Variants in B3GALT4 observed in about 807,000 individuals in gnomAD.
B3GALT4 encodes the protein beta-1,3-galactosyltransferase 4.
A neutral mutation model predicts 1.6 loss-of-function variants in B3GALT4; 1 was observed. That is an observed-to-expected ratio of 0.64 (90% CI 0.23 to 3.05). B3GALT4 has a LOEUF of 3.05. Among genes scored for constraint, B3GALT4 ranks in the 30% most tolerant of loss-of-function variants. B3GALT4 has a pLI of 0.21. For synonymous variants in B3GALT4, 259 were observed against 222.6 expected (o/e 1.16, Z -1.46); for missense variants, 441 against 486.9 (o/e 0.91, Z 0.89).
At position 33,277,137 on chromosome 6, in the gene B3GALT4, G is replaced by T; in HGVS notation, c.-283G>T. On this transcript the variant is annotated 5_prime_UTR_variant, in exon 1 of 1. Coordinates refer to ENST00000451237, the MANE Select transcript of B3GALT4 (RefSeq NM_003782.4). The surrounding 1 kb of genome is among the most constrained non-coding windows in gnomAD (Gnocchi z 5.3). ...AAGCGGGCGGCAGACCGGCCGCCGG[G>T]GCGAGGCGGGGGAGGGGCCGTGAGT... 2.6e-6 allele frequency: 1 copy of T among 387,548 alleles called. No homozygotes were observed. The highest frequency in any genetic ancestry group is 2.1e-5 in the African/African-American group (1 of 47,872). 24.0% of individuals were successfully genotyped at this position (387,548 alleles called of 1,614,324 possible).
In B3GALT4 at chr6:33,277,380, G is replaced by T. The variant is rs1765720712; in HGVS notation, c.-40G>T. ...ACCCAGGCCCGGGGAGCTAGTCTCC[G>T]CCCTTCGCTCTTACGGATCCCCTCG... On this transcript the variant is annotated 5_prime_UTR_variant, in exon 1 of 1. Transcript: ENST00000451237. This position sits in a 1 kb window ranked among gnomAD's most constrained non-coding sequence, Gnocchi z 5.3. 3.1e-6 allele frequency: 5 copies of T among 1,590,062 alleles called. No homozygotes were observed. Among genetic ancestry groups the T allele is most frequent in the Non-Finnish European group, 3.4e-6 (4 of 1,171,742 alleles).
rs531951972 is a variant in B3GALT4 at position 33,277,423 on chromosome 6, C to A, written c.4C>A (p.Gln2Lys). M[Q>K]LRLFRRLLLA... ...TCCCCTCGGAGTACGCCGCACCATG[C>A]AGCTCAGGCTCTTCCGGCGCCTCCT... The change falls in exon 1 of 1, where the codon CAG becomes AAG. Residue 2 changes from glutamine to lysine, a missense_variant. Transcript: ENST00000451237. The surrounding 1 kb of genome is among the most constrained non-coding windows in gnomAD (Gnocchi z 5.3). 3 of 1,610,736 alleles carry A rather than the reference C, an allele frequency of 1.9e-6. No homozygotes were observed. The highest frequency in any genetic ancestry group is 2.1e-4 in the Middle Eastern group (1 of 4,826).
Position 33,278,591 on chromosome 6 carries a change from A to AC in B3GALT4, c.*37dup. On this transcript the variant is annotated 3_prime_UTR_variant, in exon 1 of 1. Coordinates refer to ENST00000451237, the MANE Select transcript of B3GALT4 (RefSeq NM_003782.4). This position sits in a 1 kb window ranked among gnomAD's most constrained non-coding sequence, Gnocchi z 5.2. ...GGGCCACAGGAAAGGCAGGAACAGG[A>AC]CCTTCTCTCTCCCAGGCCCAACGCA... 1 of 1,512,866 alleles carries AC rather than the reference A, an allele frequency of 6.6e-7. No homozygotes were observed. The highest frequency in any genetic ancestry group is 8.8e-7 in the Non-Finnish European group (1 of 1,130,892). The allele number at this position is 1,512,866 out of a possible 1,614,324, so 93.7% of individuals were successfully genotyped here.
In B3GALT4 at chr6:33,278,144, G is replaced by A. The variant is rs770804877; in HGVS notation, c.725G>A (p.Gly242Asp). 101 of 1,613,404 alleles carry A rather than the reference G, an allele frequency of 6.3e-5. No homozygotes were observed. Among genetic ancestry groups the A allele is most frequent in the Middle Eastern group, 1.6e-4 (1 of 6,084 alleles). Residue 242 changes from glycine (G) to aspartate (D), a missense_variant, in exon 1 of 1, where the codon GGC (glycine) becomes GAC (aspartate). Transcript: ENST00000451237. The surrounding 1 kb of genome is among the most constrained non-coding windows in gnomAD (Gnocchi z 5.2). ...GTGAACCCCTCTCGGACACCGGGGG[G>A]CAGGCACCGCGTATCAGAGGAGCAG... ...WRVNPSRTPG[G>D]RHRVSEEQWP...
rs745334982 is a variant in B3GALT4, at chr6:33,277,736, A to G, written c.317A>G (p.Gln106Arg). 1 of 1,613,770 alleles carries G rather than the reference A, an allele frequency of 6.2e-7. No homozygotes were observed. The highest frequency in any genetic ancestry group is 8.5e-7 in the Non-Finnish European group (1 of 1,180,006). Residue 106 changes from glutamine to arginine, a missense_variant, in exon 1 of 1, where the codon CAG becomes CGG. Transcript: ENST00000451237. The surrounding 1 kb of genome is among the most constrained non-coding windows in gnomAD (Gnocchi z 5.3). ...GLREARGLRV[Q>R]TLFLLGEPNA... ...CGCGAGGCCCGGGGGCTCAGGGTAC[A>G]GACGCTATTCTTGCTGGGAGAGCCG...
Position 33,277,699 on chromosome 6 carries a change from T to TG in B3GALT4, c.284dup (p.Gly96ArgfsTer32), listed in dbSNP as rs1200219245. ...CCAGAGAAACGCCATTCGGGCTTCG[T>TG]GGGGCGGGCTGCGCGAGGCCCGGGG... is the stretch of plus-strand genomic sequence containing the variant. On this transcript the variant is annotated frameshift_variant, in exon 1 of 1. Transcript: ENST00000451237. LOFTEE classifies it low-confidence loss of function (END_TRUNC). This position sits in a 1 kb window ranked among gnomAD's most constrained non-coding sequence, Gnocchi z 5.3. The TG allele has an allele frequency of 6.2e-7, 1 of 1,613,874 alleles. No individual in the cohort carries two copies. Among genetic ancestry groups the TG allele is most frequent in the Non-Finnish European group, 8.5e-7 (1 of 1,180,002 alleles).
Position 33,277,237 on chromosome 6 carries a change from A to G in B3GALT4, c.-183A>G, listed in dbSNP as rs1765704378. Reference sequence around the variant, plus strand: ...GCGACAAGGTAGCCACCCCCGCAGCATGCCTCGACCGCGGTCCGCAGCTGC... The same window carrying G: ...GCGACAAGGTAGCCACCCCCGCAGCGTGCCTCGACCGCGGTCCGCAGCTGC... On this transcript the variant is annotated 5_prime_UTR_variant, in exon 1 of 1. It removes an upstream start codon present in the reference 5' UTR. Coordinates refer to ENST00000451237, the MANE Select transcript of B3GALT4 (RefSeq NM_003782.4). This position sits in a 1 kb window ranked among gnomAD's most constrained non-coding sequence, Gnocchi z 5.3. The G allele has an allele frequency of 3.7e-6, 4 of 1,075,540 alleles. No homozygotes were observed. The highest frequency in any genetic ancestry group is 5.1e-6 in the Non-Finnish European group (4 of 788,540). 66.6% of individuals were successfully genotyped at this position (1,075,540 alleles called of 1,614,324 possible).
At position 33,278,133 on chromosome 6, in the gene B3GALT4, G is replaced by C. The variant is rs1189996850; in HGVS notation, c.714G>C (p.Arg238=). The C allele has an allele frequency of 1.2e-6, 2 of 1,613,582 alleles. No individual in the cohort carries two copies. The highest frequency in any genetic ancestry group is 1.7e-6 in the Non-Finnish European group (2 of 1,179,970). ...GRVHWRVNPS[R]TPGGRHRVSE... ...TGCACTGGCGCGTGAACCCCTCTCG[G>C]ACACCGGGGGGCAGGCACCGCGTAT... The change falls in exon 1 of 1, where the codon CGG becomes CGC. Residue 238 remains arginine, a synonymous_variant. Transcript: ENST00000451237. The surrounding 1 kb of genome is among the most constrained non-coding windows in gnomAD (Gnocchi z 5.2).
chr6:33,277,738 A>G lies in B3GALT4; in HGVS notation c.319A>G (p.Thr107Ala). ...LREARGLRVQ[T>A]LFLLGEPNAQ... ...CGAGGCCCGGGGGCTCAGGGTACAG[A>G]CGCTATTCTTGCTGGGAGAGCCGAA... The change falls in exon 1 of 1, where the codon ACG becomes GCG. Residue 107 changes from threonine to alanine, a missense_variant. By Grantham distance (58) the Thr-to-Ala change is moderately conservative (BLOSUM62 0). Transcript: ENST00000451237. The surrounding 1 kb of genome is among the most constrained non-coding windows in gnomAD (Gnocchi z 5.3). 1 of 1,613,692 alleles carries G rather than the reference A, an allele frequency of 6.2e-7. No homozygotes were observed. The highest frequency in any genetic ancestry group is 8.5e-7 in the Non-Finnish European group (1 of 1,179,980).
Position 33,278,736 on chromosome 6 carries a change from G to A in B3GALT4, c.*180G>A. 11 of 1,184,954 alleles carry A rather than the reference G, an allele frequency of 9.3e-6. No homozygotes were observed. The highest frequency in any genetic ancestry group is 1.2e-5 in the Non-Finnish European group (11 of 905,804). The allele number at this position is 1,184,954 out of a possible 1,614,324, so 73.4% of individuals were successfully genotyped here. On this transcript the variant is annotated 3_prime_UTR_variant, in exon 1 of 1. Transcript: ENST00000451237. The surrounding 1 kb of genome is among the most constrained non-coding windows in gnomAD (Gnocchi z 5.2). ...CGCCAGCCCAAAAGATGGTCATCGG[G>A]AAGAGAAAAAGAAAAAAATGCTGCA...
chr6:33,278,018 A>T lies in B3GALT4; in HGVS notation c.599A>T (p.Glu200Val). Reference sequence around the variant, plus strand: ...CGAGGGGGCCGTTGGGGGCAATGGGAGAGAAGCACGGAACCCCAGAGAGAG... The same window carrying T: ...CGAGGGGGCCGTTGGGGGCAATGGGTGAGAAGCACGGAACCCCAGAGAGAG... Reference protein sequence around the residue: ...VLRGGRWGQWERSTEPQREAE... With the variant: ...VLRGGRWGQWVRSTEPQREAE... The change falls in exon 1 of 1, where the codon GAG (glutamate) becomes GTG (valine). Residue 200 changes from glutamate (E) to valine (V), a missense_variant. Coordinates refer to ENST00000451237, the MANE Select transcript of B3GALT4 (RefSeq NM_003782.4). This position sits in a 1 kb window ranked among gnomAD's most constrained non-coding sequence, Gnocchi z 5.2. 1 of 1,614,036 alleles carries T rather than the reference A, an allele frequency of 6.2e-7. No homozygotes were observed. Among genetic ancestry groups the T allele is most frequent in the Non-Finnish European group, 8.5e-7 (1 of 1,179,956 alleles).
chr6:33,277,363 C>A lies in B3GALT4; in HGVS notation c.-57C>A. 1 of 1,570,002 alleles carries A rather than the reference C, an allele frequency of 6.4e-7. No individual in the cohort carries two copies. On this transcript the variant is annotated 5_prime_UTR_variant, in exon 1 of 1. Transcript: ENST00000451237. This position sits in a 1 kb window ranked among gnomAD's most constrained non-coding sequence, Gnocchi z 5.3. ...TTAAGTCCCCGGCCGTGACCCAGGCCCGGGGAGCTAGTCTCCGCCCTTCGC... is the reference window on the plus strand; with the variant it reads ...TTAAGTCCCCGGCCGTGACCCAGGCACGGGGAGCTAGTCTCCGCCCTTCGC...
At position 33,277,492 on chromosome 6, in the gene B3GALT4, C is replaced by T; in HGVS notation, c.73C>T (p.Pro25Ser). 1.2e-6 allele frequency: 2 copies of T among 1,612,932 alleles called. No individual in the cohort carries two copies. Among genetic ancestry groups the T allele is most frequent in the Non-Finnish European group, 1.7e-6 (2 of 1,179,972 alleles). Residue 25 changes from proline to serine, a missense_variant, in exon 1 of 1, where the codon CCT (proline) becomes TCT (serine). Physicochemically the swap from Pro to Ser is moderately conservative, Grantham distance 74 (BLOSUM62 -1). Transcript: ENST00000451237. This position sits in a 1 kb window ranked among gnomAD's most constrained non-coding sequence, Gnocchi z 5.3. Reference protein sequence around the residue: ...LLVIVWTLFGPSGLGEELLSL... With the variant: ...LLVIVWTLFGSSGLGEELLSL... ...GGTGATCGTCTGGACCCTCTTCGGG[C>T]CTTCGGGGTTGGGGGAGGAGCTGCT...
Position 33,277,863 on chromosome 6 carries a change from C to A in B3GALT4, c.444C>A (p.Arg148=), listed in dbSNP as rs367786205. The A allele has an allele frequency of 1.9e-5, 31 of 1,613,970 alleles. No individual in the cohort carries two copies. The African/African-American group carries it at 3.9e-4, about 20-fold the overall frequency. ...AGGCCGCCTTCCAGGACTCCTACCG[C>A]AACCTCACCCTAAAGACCCTCAGCG... ...ILQAAFQDSY[R]NLTLKTLSGL... Residue 148 remains arginine (R), a synonymous_variant, in exon 1 of 1, where the codon CGC becomes CGA. Coordinates refer to ENST00000451237, the MANE Select transcript of B3GALT4 (RefSeq NM_003782.4). This position sits in a 1 kb window ranked among gnomAD's most constrained non-coding sequence, Gnocchi z 5.3.
Position 33,278,021 on chromosome 6 carries a change from G to C in B3GALT4, c.602G>C (p.Arg201Thr). 6.2e-7 allele frequency: 1 copy of C among 1,614,128 alleles called. No individual in the cohort carries two copies. The highest frequency in any genetic ancestry group is 1.1e-5 in the South Asian group (1 of 91,092). Residue 201 changes from arginine to threonine, a missense_variant, in exon 1 of 1, where the codon AGA (arginine) becomes ACA (threonine). Arg to Thr is a moderately conservative substitution (Grantham distance 71). Coordinates refer to ENST00000451237, the MANE Select transcript of B3GALT4 (RefSeq NM_003782.4). The surrounding 1 kb of genome is among the most constrained non-coding windows in gnomAD (Gnocchi z 5.2). ...LRGGRWGQWE[R>T]STEPQREAEQ... ...GGGGGCCGTTGGGGGCAATGGGAGA[G>C]AAGCACGGAACCCCAGAGAGAGGCT...
At position 33,277,236 on chromosome 6, in the gene B3GALT4, C is replaced by A; in HGVS notation, c.-184C>A. On this transcript the variant is annotated 5_prime_UTR_variant, in exon 1 of 1. Coordinates refer to ENST00000451237, the MANE Select transcript of B3GALT4 (RefSeq NM_003782.4). This position sits in a 1 kb window ranked among gnomAD's most constrained non-coding sequence, Gnocchi z 5.3. ...GGCGACAAGGTAGCCACCCCCGCAGCATGCCTCGACCGCGGTCCGCAGCTG... is the reference window on the plus strand; with the variant it reads ...GGCGACAAGGTAGCCACCCCCGCAGAATGCCTCGACCGCGGTCCGCAGCTG... 9.3e-7 allele frequency: 1 copy of A among 1,069,970 alleles called. No homozygotes were observed. 66.3% of individuals were successfully genotyped at this position (1,069,970 alleles called of 1,614,324 possible). A position where few individuals can be genotyped will look rare whatever the true frequency, so the allele number is the denominator to read the frequency against.
Position 33,277,291 on chromosome 6 carries a change from CT to C in B3GALT4, c.-128del. ...GCCTCTCCCCGCCCCCCAGGGTGCG[CT>C]GGTCCCGGTCGCGCGCTCAGACCTC... On this transcript the variant is annotated 5_prime_UTR_variant, in exon 1 of 1. An upstream open reading frame in the 5' UTR loses its in-frame stop. Coordinates refer to ENST00000451237, the MANE Select transcript of B3GALT4 (RefSeq NM_003782.4). This position sits in a 1 kb window ranked among gnomAD's most constrained non-coding sequence, Gnocchi z 5.3. 6.8e-7 allele frequency: 1 copy of C among 1,470,006 alleles called. No individual in the cohort carries two copies. The allele number at this position is 1,470,006 out of a possible 1,614,324, so 91.1% of individuals were successfully genotyped here.
In B3GALT4 at chr6:33,277,314, C is replaced by A; in HGVS notation, c.-106C>A. The A allele has an allele frequency of 6.7e-7, 1 of 1,496,016 alleles. No individual in the cohort carries two copies. The highest frequency in any genetic ancestry group is 8.8e-7 in the Non-Finnish European group (1 of 1,132,110). The allele number at this position is 1,496,016 out of a possible 1,614,324, so 92.7% of individuals were successfully genotyped here. A position where few individuals can be genotyped will look rare whatever the true frequency, so the allele number is the denominator to read the frequency against. On this transcript the variant is annotated 5_prime_UTR_variant, in exon 1 of 1. Coordinates refer to ENST00000451237, the MANE Select transcript of B3GALT4 (RefSeq NM_003782.4). The surrounding 1 kb of genome is among the most constrained non-coding windows in gnomAD (Gnocchi z 5.3). ...CGCTGGTCCCGGTCGCGCGCTCAGA[C>A]CTCCGCATCCCGGGCGTGGTCGGTT...
Position 33,277,165 on chromosome 6 carries a change from C to A in B3GALT4, c.-255C>A, listed in dbSNP as rs1765697901. 2 of 463,124 alleles carry A rather than the reference C, an allele frequency of 4.3e-6. No homozygotes were observed. Among genetic ancestry groups the A allele is most frequent in the Non-Finnish European group, 7.2e-6 (2 of 277,822 alleles). 28.7% of individuals were successfully genotyped at this position (463,124 alleles called of 1,614,324 possible). On this transcript the variant is annotated 5_prime_UTR_variant, in exon 1 of 1. Transcript: ENST00000451237. The surrounding 1 kb of genome is among the most constrained non-coding windows in gnomAD (Gnocchi z 5.3). ...GAGGCGGGGGAGGGGCCGTGAGTGC[C>A]GCAGTCGGCCAGCCATGGAGCGGAG... is the stretch of plus-strand genomic sequence containing the variant.
Sources: gnomAD v4.1 joint callset for allele counts on GRCh38, gnomAD v4.1.1 for gene constraint, Gnocchi (gnomAD v3.1) non-coding constraint, MANE v1.5 for transcripts, NCBI Gene and HGNC (gene_info 2026-07-23, HGNC 2026-07-21) for gene names.